The following INTS3 variants were observed in gnomAD, a reference collection of about 807,000 sequenced individuals.
The protein encoded by INTS3 is integrator complex subunit 3.
Under a neutral mutation model 146.3 loss-of-function variants are expected in INTS3, and 34 were observed. The ratio of observed to expected loss-of-function variants is 0.23; its 90% CI spans 0.18 to 0.31. The LOEUF (loss-of-function observed/expected upper bound fraction) is 0.31, where lower values mean the gene tolerates loss of function less well. INTS3 is among the 10% of genes least tolerant of loss of function. INTS3 has a pLI of 1.00. For synonymous variants in INTS3, 475 were observed against 494.9 expected, an observed-to-expected ratio of 0.96 and a Z score of 0.53; for missense variants, 757 against 1,304.2, an observed-to-expected ratio of 0.58 and a Z score of 6.46.
rs373685967 is a variant in INTS3 at position 153,759,773 on chromosome 1, A to G, written c.1237+160A>G. The G allele has an allele frequency of 9.7e-6, 6 of 617,052 alleles. No individual in the cohort carries two copies. In the African/African-American group the frequency reaches 1.1e-4, roughly 11 times the overall value. 38.2% of individuals were successfully genotyped at this position (617,052 alleles called of 1,614,324 possible). ...TCATCAGTTTTCCCTTGACCTAGAA[A>G]GAGAATTGCTTTGATAAGGCTAAGC... is the stretch of plus-strand genomic sequence containing the variant. On this transcript the variant is annotated intron_variant, in intron 11 of 29. Coordinates refer to ENST00000318967, the MANE Select transcript of INTS3 (RefSeq NM_023015.5).
At chr1:153,763,192 A>G in intron 15 of INTS3, 41 bp from the exon 16 acceptor site, 1 of 1,613,950 alleles carries the variant, frequency 6.2e-7, no homozygotes, top group Non-Finnish European at 8.5e-7. Context: ...TGTTGCTGGC[A>G]TCTGGGCAAA....
intron 1 of INTS3, among the ~76,000 whole-genome samples, chr1:153,733,669 G>A (rs1380059116): frequency 2.7e-5 from 4 of 150,662 alleles, no homozygotes; most frequent in Admixed American, 1.3e-4. Context: ...GTGCAGTGGC[G>A]CGACAGCTCC....
At chr1:153,752,185 C>A in intron 7 of INTS3, 94 bp from the exon 8 acceptor site, 3 of 1,258,124 alleles carry the variant, frequency 2.4e-6, no homozygotes, top group Non-Finnish European at 2.3e-6. Flanking sequence ...CCTTCCCTCC[C>A]TAGAACATGT....
intron 8 of INTS3, among the ~76,000 whole-genome samples, chr1:153,752,923 T>A (rs1672013687): frequency 6.6e-6 from 1 of 152,092 alleles, no homozygotes; most frequent in African/African-American, 2.4e-5. Context: ...AGGTCCTTTT[T>A]ATATCCCTTT....
chr1:153,757,879 G>T lies in INTS3; in HGVS notation c.1149+116G>T. On this transcript the variant is annotated intron_variant, in intron 10 of 29. Coordinates refer to ENST00000318967, the MANE Select transcript of INTS3 (RefSeq NM_023015.5). This position sits in a 1 kb window ranked among gnomAD's most constrained non-coding sequence, Gnocchi z 4.0. ...CCCCTAAGGGCCCTTCTTTCACTCT[G>T]GTCTTCCAGAGTGTCTCAGCCTTCA... 1 of 744,610 alleles carries T rather than the reference G, an allele frequency of 1.3e-6. No individual in the cohort carries two copies. Among genetic ancestry groups the T allele is most frequent in the Admixed American group, 2.6e-5 (1 of 38,524 alleles). 46.1% of individuals were successfully genotyped at this position (744,610 alleles called of 1,614,324 possible).
In INTS3 at chr1:153,752,312, G is replaced by C. The variant is rs776640016; in HGVS notation, c.763G>C (p.Val255Leu). The C allele has an allele frequency of 1.2e-6, 2 of 1,613,316 alleles. No individual in the cohort carries two copies. Among genetic ancestry groups the C allele is most frequent in the South Asian group, 1.1e-5 (1 of 90,974 alleles). ...MECLMIGRDL[V>L]RLLQNVARIP... ...ATGTCTGATGATTGGTCGGGATCTC[G>C]TAAGACTACTTCAGAATGTTGCTAG... Residue 255 changes from valine to leucine, a missense_variant, in exon 8 of 30, where the codon GTA (valine) becomes CTA (leucine). Coordinates refer to ENST00000318967, the MANE Select transcript of INTS3 (RefSeq NM_023015.5).
chr1:153,733,197 C>CTTT (rs60492889), intron 1 of INTS3, among the ~76,000 whole-genome samples: 2 of 42,758 alleles, frequency 4.7e-5, no homozygotes, highest in Non-Finnish European at 8.3e-5. Context: ...TTACCGAATG[C>CTTT]TTTTTTTTTT....
intron 1 of INTS3, among the ~76,000 whole-genome samples, chr1:153,729,720 G>A (rs749823655): frequency 6.6e-6 from 1 of 152,086 alleles, no homozygotes; most frequent in Non-Finnish European, 1.5e-5. Context: ...GCAAAAATTA[G>A]CTGGGCATGG....
chr1:153,762,775 G>C lies in INTS3; in HGVS notation c.1564G>C (p.Asp522His). Reference protein sequence around the residue: ...VSMEMDNHMSDKDESCYDNAE... With the variant: ...VSMEMDNHMSHKDESCYDNAE... The stretch of plus-strand genomic sequence containing the variant: ...CATGGAGATGGACAACCATATGTCG[G>C]ATAAGGATGAGAGTTGCTATGACAA... The change falls in exon 15 of 30, where the codon GAT becomes CAT. Residue 522 changes from aspartate (D) to histidine (H), a missense_variant. Transcript: ENST00000318967. 1 of 1,614,190 alleles carries C rather than the reference G, an allele frequency of 6.2e-7. No individual in the cohort carries two copies.
rs6663011 is a variant in INTS3, at chr1:153,772,652, G to C, written c.2835G>C (p.Thr945=). The change falls in exon 28 of 30, where the codon ACG becomes ACC. Residue 945 remains threonine (T), a synonymous_variant. Transcript: ENST00000318967. The surrounding 1 kb of genome is among the most constrained non-coding windows in gnomAD (Gnocchi z 4.6). The part of the protein sequence containing the change: ...TNTKQNFFSQ[T]PILQALQHVQ... ...TTCTTCCTCTAGTTTTTAGCCAGAC[G>C]CCAATTCTCCAGGCGCTGCAGCATG... 126,854 of 1,613,996 alleles carry C rather than the reference G, an allele frequency of 0.079. 9,293 individuals carry two copies. The highest frequency in any genetic ancestry group is 0.39 in the African/African-American group (29,019 of 74,942).
At chr1:153,760,778 C>T (rs41308399) in intron 12 of INTS3, 49 bp from the exon 13 acceptor site, 32,191 of 1,423,500 alleles carry the variant, frequency 0.023, 461 homozygotes, top group Non-Finnish European at 0.026. Context: ...CAGCGGAAGC[C>T]TCTGGATGGA....
chr1:153,730,189 C>G (rs1003754004), intron 1 of INTS3, among the ~76,000 whole-genome samples: 3 of 152,218 alleles, frequency 2.0e-5, no homozygotes, highest in Non-Finnish European at 4.4e-5. Context: ...TGTCTACTTG[C>G]AGTCTGCCTT....
chr1:153,763,391 G>A (rs1167987774), intron 16 of INTS3, 29 bp downstream of exon 16: 1 of 1,612,932 alleles, frequency 6.2e-7, no homozygotes, highest in East Asian at 2.2e-5. Flanking sequence ...CTCAACTTCA[G>A]GAGGTTCAGC....
At chr1:153,760,471 G>A (rs1672342569) in intron 12 of INTS3, 81 bp downstream of exon 12, 1 of 1,191,762 alleles carries the variant, frequency 8.4e-7, no homozygotes, top group Non-Finnish European at 1.2e-6. Flanking sequence ...CAGTGAACGG[G>A]TCTTCTCGGT....
At chr1:153,743,871 A>G (rs1307299640) in intron 3 of INTS3, among the ~76,000 whole-genome samples, 1 of 151,888 alleles carries the variant, frequency 6.6e-6, no homozygotes, top group East Asian at 1.9e-4. Flanking sequence ...TGGTCTAGGT[A>G]TTTCTCCCAG....
At chr1:153,756,887 C>T (rs921066896) in intron 9 of INTS3, among the ~76,000 whole-genome samples, 3 of 152,168 alleles carry the variant, frequency 2.0e-5, no homozygotes, top group South Asian at 2.1e-4. Flanking sequence ...ATAATAGCAA[C>T]CATCATTGCC....
intron 3 of INTS3, among the ~76,000 whole-genome samples, chr1:153,742,807 G>A (rs1332579119): frequency 1.3e-5 from 2 of 152,216 alleles, no homozygotes; most frequent in African/African-American, 4.8e-5. Context: ...TCTTCTTTTT[G>A]CCCTATAACA....
intron 21 of INTS3, 71 bp downstream of exon 21, chr1:153,767,898 C>T (rs1170981723): frequency 2.1e-6 from 3 of 1,457,432 alleles, no homozygotes; most frequent in Non-Finnish European, 2.8e-6. Flanking sequence ...TCTGAGTACA[C>T]ACAACCCTGA....
chr1:153,770,607 TG>T, intron 24 of INTS3, 77 bp from the exon 25 acceptor site: 1 of 1,206,512 alleles, frequency 8.3e-7, no homozygotes, highest in Non-Finnish European at 1.2e-6. Context: ...CAGTGGCTGT[TG>T]GGGGATGAGA....
Sources: gnomAD v4.1 joint callset for allele counts (sites outside exome capture counted in the v4.1 genomes callset) on GRCh38, gnomAD v4.1.1 for gene constraint, Gnocchi (gnomAD v3.1) non-coding constraint, MANE v1.5 for transcripts, NCBI Gene and HGNC (gene_info 2026-07-23, HGNC 2026-07-21) for gene names.